ANGPT4: variants seen among roughly 807,000 people sequenced by gnomAD.
ANGPT4 encodes angiopoietin-4.
A neutral mutation model predicts 53.0 loss-of-function variants in ANGPT4; 50 were observed. That is an observed-to-expected ratio of 0.94 (90% CI 0.75 to 1.20). The LOEUF (loss-of-function observed/expected upper bound fraction) is 1.20. ANGPT4 is among the 50% of genes most tolerant of loss of function. The probability of loss-of-function intolerance (pLI) is 0.00; values close to 1 mark genes in which losing one functional copy is unlikely to be tolerated. For missense variants in ANGPT4, 648 were observed against 637.1 expected (o/e 1.02, Z -0.18); for synonymous variants, 251 against 259.7 (o/e 0.97, Z 0.32).
intron 1 of ANGPT4, among the ~76,000 whole-genome samples, chr20:892,842 C>T (rs532493579): frequency 1.3e-5 from 2 of 152,310 alleles, no homozygotes; most frequent in East Asian, 3.9e-4. Context: ...CCCCCCTTCG[C>T]TCTTTAATTC....
intron 1 of ANGPT4, among the ~76,000 whole-genome samples, chr20:903,280 T>C (rs542943): frequency 6.6e-6 from 1 of 152,156 alleles, no homozygotes; most frequent in Non-Finnish European, 1.5e-5. Context: ...CTTCTAGTTG[T>C]TCAGACCCAG....
intron 1 of ANGPT4, among the ~76,000 whole-genome samples, chr20:905,510 C>T (rs1040074822): frequency 6.6e-6 from 1 of 151,950 alleles, no homozygotes; most frequent in African/African-American, 2.4e-5. Flanking sequence ...GCAGTGGAGA[C>T]CACAGAGACC....
intron 1 of ANGPT4, among the ~76,000 whole-genome samples, chr20:899,053 G>A (rs1204699216): frequency 2.0e-5 from 3 of 152,178 alleles, no homozygotes; most frequent in Non-Finnish European, 2.9e-5. Context: ...AAGCCTCCTG[G>A]ACCATCACAG....
At chr20:874,014 G>A (rs1393006619) in intron 8 of ANGPT4, among the ~76,000 whole-genome samples, 3 of 152,174 alleles carry the variant, frequency 2.0e-5, no homozygotes, top group Non-Finnish European at 4.4e-5. Context: ...CCCCCCCGGG[G>A]CCCTGCACTC....
intron 1 of ANGPT4, among the ~76,000 whole-genome samples, chr20:907,774 C>G (rs1982532665): frequency 6.6e-6 from 1 of 152,156 alleles, no homozygotes; most frequent in Admixed American, 6.5e-5. Context: ...CTGCCCACCC[C>G]CCAACCTCAC....
intron 1 of ANGPT4, among the ~76,000 whole-genome samples, chr20:915,199 A>G (rs1281674315): frequency 1.3e-5 from 2 of 151,220 alleles, no homozygotes; most frequent in African/African-American, 4.9e-5. Context: ...TGACACTCAG[A>G]ACAAAAGCTG....
intron 1 of ANGPT4, among the ~76,000 whole-genome samples, chr20:894,995 A>G (rs527310706): frequency 6.6e-5 from 10 of 151,948 alleles, no homozygotes; most frequent in Admixed American, 2.0e-4. Flanking sequence ...AGTTTGCCAC[A>G]CCCGCCCACC....
rs142196008 is a variant in ANGPT4 at position 890,349 on chromosome 20, G to A, written c.329C>T (p.Thr110Met). ...CTGCTCCAGCTTCGACCTCAAGATC[G>A]TCTTGATGGCCCTCTCTAGCTGTGG... is the stretch of plus-strand genomic sequence containing the variant. ...WLKKLERAIK[T>M]ILRSKLEQVQ... The change falls in exon 2 of 9, where the codon ACG becomes ATG. Residue 110 changes from threonine to methionine, a missense_variant. Physicochemically the swap from Thr to Met is moderately conservative, Grantham distance 81 (BLOSUM62 -1). Coordinates refer to ENST00000381922, the MANE Select transcript of ANGPT4 (RefSeq NM_015985.4). 6.9e-5 allele frequency: 111 copies of A among 1,609,666 alleles called. No individual in the cohort carries two copies. Among genetic ancestry groups the A allele is most frequent in the African/African-American group, 6.8e-4 (51 of 74,932 alleles).
At chr20:890,453 G>T in intron 1 of ANGPT4, 85 bp from the exon 2 acceptor site, 1 of 1,332,910 alleles carries the variant, frequency 7.5e-7, no homozygotes, top group South Asian at 1.4e-5. Context: ...GGAGGGCACT[G>T]AGCAGCCACT....
chr20:895,719 A>G (rs1399028313), intron 1 of ANGPT4, among the ~76,000 whole-genome samples: 1 of 152,110 alleles, frequency 6.6e-6, no homozygotes, highest in African/African-American at 2.4e-5. Flanking sequence ...CATGCAGTGG[A>G]CTCCATTGAG....
At chr20:898,130 T>G (rs1982127747) in intron 1 of ANGPT4, among the ~76,000 whole-genome samples, 1 of 152,186 alleles carries the variant, frequency 6.6e-6, no homozygotes, top group Non-Finnish European at 1.5e-5. Flanking sequence ...CCCCAAGCTC[T>G]GAGTCCTTTG....
rs907611631 is a variant in ANGPT4 at position 890,498 on chromosome 20, G to T, written c.310-130C>A. The T allele has an allele frequency of 2.0e-5, 16 of 795,054 alleles. No individual in the cohort carries two copies. The Admixed American group carries it at 4.6e-4, about 23-fold the overall frequency. The allele number at this position is 795,054 out of a possible 1,614,324, so 49.2% of individuals were successfully genotyped here. Reference sequence around the variant, plus strand: ...CCTGGCTCAGAACATGCCGGGCCAGGTCAGGCCACCATTACGTCTTGCCTG... The same window carrying T: ...CCTGGCTCAGAACATGCCGGGCCAGTTCAGGCCACCATTACGTCTTGCCTG... On this transcript the variant is annotated intron_variant, in intron 1 of 8. Transcript: ENST00000381922.
At chr20:891,556 A>T in intron 1 of ANGPT4, among the ~76,000 whole-genome samples, 1 of 152,068 alleles carries the variant, frequency 6.6e-6, no homozygotes, top group Non-Finnish European at 1.5e-5. Context: ...GCCTCTCACC[A>T]TGCCCCCCAC....
chr20:881,427 T>C, intron 4 of ANGPT4, 141 bp from the exon 5 acceptor site: 1 of 725,386 alleles, frequency 1.4e-6, no homozygotes, highest in Non-Finnish European at 2.4e-6. Flanking sequence ...CCTGGGAAGA[T>C]TTCGTAGAGG....
At chr20:905,395 TGTAA>T (rs1332571930) in intron 1 of ANGPT4, among the ~76,000 whole-genome samples, 1 of 151,906 alleles carries the variant, frequency 6.6e-6, no homozygotes, top group East Asian at 1.9e-4. Flanking sequence ...GTCAGTTTTG[TGTAA>T]GGGGCACGAG....
At chr20:874,558 A>T in intron 7 of ANGPT4, 144 bp from the exon 8 acceptor site, 2 of 1,190,804 alleles carry the variant, frequency 1.7e-6, no homozygotes, top group Non-Finnish European at 2.3e-6. Context: ...GCCTGGGTGG[A>T]GTGCTTGGGC....
intron 1 of ANGPT4, among the ~76,000 whole-genome samples, chr20:909,954 A>C (rs2122133541): frequency 1.3e-5 from 2 of 152,332 alleles, no homozygotes; most frequent in South Asian, 2.1e-4. Flanking sequence ...GCCTTGGGCC[A>C]AGGGTTCCTG....
intron 1 of ANGPT4, among the ~76,000 whole-genome samples, chr20:899,467 A>G (rs539903944): frequency 2.5e-4 from 38 of 151,770 alleles, no homozygotes; most frequent in South Asian, 1.3e-3. Flanking sequence ...GTTAGCCAGG[A>G]TATTCTCGAT....
chr20:890,242 T>C lies in ANGPT4; in HGVS notation c.436A>G (p.Ile146Val), dbSNP rs1279097042. ...TSLLNQTTAQ[I>V]RKLTDMEAQL... is the part of the protein sequence containing the mutation. Reference sequence around the variant, plus strand: ...GCCTCCATGTCGGTCAGCTTGCGGATCTGGGCAGTGGTCTGGTTCAGGAGG... The same window carrying C: ...GCCTCCATGTCGGTCAGCTTGCGGACCTGGGCAGTGGTCTGGTTCAGGAGG... The change falls in exon 2 of 9, where the codon ATC becomes GTC. Residue 146 changes from isoleucine to valine, a missense_variant. By Grantham distance (29) the Ile-to-Val change is conservative. Transcript: ENST00000381922. 8.1e-6 allele frequency: 13 copies of C among 1,613,944 alleles called. No individual in the cohort carries two copies. Among genetic ancestry groups the C allele is most frequent in the Admixed American group, 1.7e-5 (1 of 60,014 alleles).
Sources: gnomAD v4.1 joint callset for allele counts (sites outside exome capture counted in the v4.1 genomes callset) on GRCh38, gnomAD v4.1.1 for gene constraint, MANE v1.5 for transcripts, NCBI Gene and HGNC (gene_info 2026-07-23, HGNC 2026-07-21) for gene names.